The following EPS15L1 variants were observed in gnomAD, a reference collection of about 807,000 sequenced individuals.
The protein encoded by EPS15L1 is epidermal growth factor receptor pathway substrate 15 like 1.
In EPS15L1, 43 loss-of-function variants were observed where a neutral mutation model predicts 117.1. The ratio of observed to expected loss-of-function variants is 0.37; its 90% CI spans 0.29 to 0.47. EPS15L1 has a LOEUF of 0.47. Among genes scored for constraint, EPS15L1 ranks in the 20% least tolerant of loss-of-function variants. The pLI is 0.99. For missense variants in EPS15L1, 981 were observed against 1,164.0 expected (o/e 0.84, Z 2.29); for synonymous variants, 459 against 470.5 (o/e 0.98, Z 0.32).
intron 7 of EPS15L1, among the ~76,000 whole-genome samples, chr19:16,430,731 G>A (rs1322186982): frequency 6.6e-6 from 1 of 152,236 alleles, no homozygotes. Flanking sequence ...ATGTGTGAGT[G>A]CCTGGATGCA....
intron 1 of EPS15L1, among the ~76,000 whole-genome samples, chr19:16,462,497 C>T (rs1403962143): frequency 1.3e-5 from 2 of 152,118 alleles, no homozygotes; most frequent in Admixed American, 6.5e-5. Flanking sequence ...CCTGTCTCTA[C>T]TAAAAATACA....
chr19:16,390,545 A>T (rs2092465106), intron 19 of EPS15L1, among the ~76,000 whole-genome samples: 1 of 152,190 alleles, frequency 6.6e-6, no homozygotes, highest in African/African-American at 2.4e-5. Flanking sequence ...ACAACTAGAT[A>T]CACATTCTTC....
At chr19:16,413,958 T>A in intron 12 of EPS15L1, 113 bp from the exon 13 acceptor site, 1 of 769,846 alleles carries the variant, frequency 1.3e-6, no homozygotes, top group Admixed American at 2.2e-5. Context: ...CTGGCAGAAG[T>A]CTAAGAATGA....
At chr19:16,409,956 A>G (rs2092691652) in intron 13 of EPS15L1, among the ~76,000 whole-genome samples, 1 of 150,896 alleles carries the variant, frequency 6.6e-6, no homozygotes. Context: ...AAAAAAAAAA[A>G]AAAAAAATCA....
intron 1 of EPS15L1, among the ~76,000 whole-genome samples, chr19:16,469,006 C>A (rs1162962141): frequency 2.6e-5 from 4 of 152,018 alleles, no homozygotes; most frequent in Non-Finnish European, 5.9e-5. Flanking sequence ...GGGGACAGAG[C>A]GAGACCCTGT....
intron 16 of EPS15L1, among the ~76,000 whole-genome samples, chr19:16,395,977 G>A (rs543107593): frequency 7.3e-5 from 11 of 151,344 alleles, no homozygotes; most frequent in Non-Finnish European, 1.5e-4. Context: ...GTGTGGTGGC[G>A]TGTACCTATA....
At chr19:16,426,113 C>A (rs2092869944) in intron 8 of EPS15L1, among the ~76,000 whole-genome samples, 1 of 152,222 alleles carries the variant, frequency 6.6e-6, no homozygotes, top group African/African-American at 2.4e-5. Flanking sequence ...CAACTGCCCA[C>A]AGGAACCCAC....
chr19:16,381,311 G>C lies in EPS15L1; in HGVS notation c.2247+3818C>G, dbSNP rs2092360199. Among the ~76,000 whole-genome samples the C allele has an allele frequency of 6.6e-6, 1 of 152,376 alleles. No individual in the cohort carries two copies. The highest frequency in any genetic ancestry group is 2.1e-4 in the South Asian group (1 of 4,832). On this transcript the variant is annotated intron_variant, in intron 21 of 23. Transcript: ENST00000455140. This position sits in a 1 kb window ranked among gnomAD's most constrained non-coding sequence, Gnocchi z 4.2. ...ACACAGCAGGTCCACGGCGGATCCA[G>C]GGCTGCCACATCGTCTGCCTCCCAG...
chr19:16,444,063 C>CAAAAAAAAA (rs545605173), intron 1 of EPS15L1, among the ~76,000 whole-genome samples: 1 of 37,698 alleles, frequency 2.7e-5, no homozygotes, highest in Non-Finnish European at 5.6e-5. Flanking sequence ...GACTCCGTCT[C>CAAAAAAAAA]AAAAAAAAAA....
intron 22 of EPS15L1, among the ~76,000 whole-genome samples, chr19:16,376,451 C>T (rs1206958007): frequency 6.6e-6 from 1 of 152,180 alleles, no homozygotes. Context: ...AGGGCCAAGG[C>T]TAGGAGACAT....
intron 9 of EPS15L1, among the ~76,000 whole-genome samples, chr19:16,422,295 CA>C (rs1409123511): frequency 1.3e-5 from 2 of 152,210 alleles, no homozygotes; most frequent in Non-Finnish European, 2.9e-5. Flanking sequence ...CTCAGGCACT[CA>C]GGGGCAGGCC....
Position 16,471,899 on chromosome 19 carries a change from C to G in EPS15L1, c.33+14G>C. 1.5e-6 allele frequency: 2 copies of G among 1,304,360 alleles called. No homozygotes were observed. Among genetic ancestry groups the G allele is most frequent in the South Asian group, 2.2e-5 (1 of 46,110 alleles). The allele number at this position is 1,304,360 out of a possible 1,614,324, so 80.8% of individuals were successfully genotyped here. On this transcript the variant is annotated intron_variant, in intron 1 of 23. Transcript: ENST00000455140. The surrounding 1 kb of genome is among the most constrained non-coding windows in gnomAD (Gnocchi z 4.8). ...CGCACCCCGGCGCCGCCCCCAGGCCCGCCCGGCCCGTACCTGCTGGGAGAG... is the reference window on the plus strand; with the variant it reads ...CGCACCCCGGCGCCGCCCCCAGGCCGGCCCGGCCCGTACCTGCTGGGAGAG...
chr19:16,458,091 G>A (rs1311497752), intron 1 of EPS15L1, among the ~76,000 whole-genome samples: 2 of 152,162 alleles, frequency 1.3e-5, no homozygotes, highest in African/African-American at 4.8e-5. Context: ...GGACTCGGTT[G>A]GGATGGGTCT....
At position 16,355,545 on chromosome 19, in the gene EPS15L1, T is replaced by C; in HGVS notation, c.*160A>G. The C allele has an allele frequency of 2.2e-6, 2 of 921,536 alleles. No homozygotes were observed. Among genetic ancestry groups the C allele is most frequent in the South Asian group, 1.8e-5 (1 of 55,274 alleles). The allele number at this position is 921,536 out of a possible 1,614,324, so 57.1% of individuals were successfully genotyped here. A position where few individuals can be genotyped will look rare whatever the true frequency, so the allele number is the denominator to read the frequency against. ...AAGGGCTTCCCCAGGAGATGTGACC[T>C]TTCCAGGTCTTGCAGCCGAGTCTGC... On this transcript the variant is annotated 3_prime_UTR_variant, in exon 24 of 24. Transcript: ENST00000455140.
intron 1 of EPS15L1, among the ~76,000 whole-genome samples, chr19:16,449,546 A>T (rs2145119733): frequency 6.6e-6 from 1 of 152,314 alleles, no homozygotes; most frequent in South Asian, 2.1e-4. Flanking sequence ...GTTAAAAGGT[A>T]CGGTGACTCT....
intron 22 of EPS15L1, among the ~76,000 whole-genome samples, chr19:16,363,078 T>C (rs949549328): frequency 2.0e-5 from 3 of 151,944 alleles, no homozygotes; most frequent in African/African-American, 7.3e-5. Context: ...CAGAGGCCTG[T>C]TAAGATCTGC....
At position 16,422,336 on chromosome 19, in the gene EPS15L1, C is replaced by A. The variant is rs544896471; in HGVS notation, c.793-860G>T. The stretch of plus-strand genomic sequence containing the variant: ...CCGTGGCCTACTCCACCTGCATTAC[C>A]GCGGGCCTTCAATACACCCACCACG... On this transcript the variant is annotated intron_variant, in intron 9 of 23. Coordinates refer to ENST00000455140, the MANE Select transcript of EPS15L1 (RefSeq NM_001258374.3). Among the ~76,000 whole-genome samples, 24 of 152,320 alleles carry A rather than the reference C, an allele frequency of 1.6e-4. No homozygotes were observed. In the East Asian group the frequency reaches 4.1e-3, roughly 26 times the overall value.
chr19:16,454,336 C>G (rs2093174704), intron 1 of EPS15L1, among the ~76,000 whole-genome samples: 1 of 152,118 alleles, frequency 6.6e-6, no homozygotes, highest in Non-Finnish European at 1.5e-5. Context: ...AGTGTGTGAC[C>G]TGGCTTATAA....
intron 4 of EPS15L1, among the ~76,000 whole-genome samples, chr19:16,440,449 ACAC>A (rs2093020267): frequency 6.6e-6 from 1 of 152,060 alleles, no homozygotes; most frequent in Non-Finnish European, 1.5e-5. Flanking sequence ...ATAAAAAATA[ACAC>A]CAATGTTATT....
Sources: allele counts gnomAD v4.1 joint callset (sites outside exome capture counted in the v4.1 genomes callset), GRCh38; gene constraint gnomAD v4.1.1; non-coding constraint Gnocchi (gnomAD v3.1); transcripts MANE v1.5; gene names NCBI Gene and HGNC (gene_info 2026-07-23, HGNC 2026-07-21).